The following YLPM1 variants were observed in gnomAD, a reference collection of about 807,000 sequenced individuals.
YLPM1 encodes YLP motif containing 1.
Under a neutral mutation model 230.0 loss-of-function variants are expected in YLPM1, and 99 were observed. The observed-to-expected ratio is 0.43, with a 90% confidence interval of 0.37 to 0.51. The LOEUF is 0.51. Among genes scored for constraint, YLPM1 ranks in the 20% least tolerant of loss-of-function variants. The pLI, the probability that YLPM1 is intolerant of heterozygous loss-of-function variation, is 0.00. For missense variants in YLPM1, 2,592 were observed against 2,707.7 expected (o/e 0.96, Z 0.95); for synonymous variants, 984 against 942.5 (o/e 1.04, Z -0.81).
intron 6 of YLPM1, among the ~76,000 whole-genome samples, chr14:74,808,431 G>GT (rs1262790955): frequency 6.6e-6 from 1 of 152,154 alleles, no homozygotes; most frequent in Non-Finnish European, 1.5e-5. Context: ...GAATGTTTGT[G>GT]TGCAAGTCTT....
chr14:74,827,844 T>C (rs2091577753), intron 18 of YLPM1: 2 of 985,280 alleles, frequency 2.0e-6, no homozygotes, highest in South Asian at 4.7e-5. Context: ...TTTAAGATCA[T>C]GTATAATACG....
At chr14:74,787,720 TTAAGAA>T (rs2091163462) in intron 4 of YLPM1, among the ~76,000 whole-genome samples, 1 of 151,988 alleles carries the variant, frequency 6.6e-6, no homozygotes, top group African/African-American at 2.4e-5. Context: ...TTTACAGAAT[TTAAGAA>T]TAAAGGGGCC....
At position 74,836,521 on chromosome 14, in the gene YLPM1, T is replaced by C. The variant is rs1423816268; in HGVS notation, c.*783T>C. Reference sequence around the variant, plus strand: ...TCTCTCTGTTCTTCCCTCTCTTCTTTCCTTCCTTCTTCTTTTCACTTTCTG... The same window carrying C: ...TCTCTCTGTTCTTCCCTCTCTTCTTCCCTTCCTTCTTCTTTTCACTTTCTG... On this transcript the variant is annotated 3_prime_UTR_variant, in exon 21 of 21. Transcript: ENST00000325680. 5 of 152,280 alleles carry C rather than the reference T, an allele frequency of 3.3e-5. No individual in the cohort carries two copies. Among genetic ancestry groups the C allele is most frequent in the Non-Finnish European group, 7.3e-5 (5 of 68,060 alleles). The allele number at this position is 152,280 out of a possible 1,614,324, so 9.4% of individuals were successfully genotyped here. A position where few individuals can be genotyped will look rare whatever the true frequency, so the allele number is the denominator to read the frequency against.
chr14:74,781,380 A>C lies in YLPM1; in HGVS notation c.1337A>C (p.Gln446Pro). 6.3e-7 allele frequency: 1 copy of C among 1,587,182 alleles called. No individual in the cohort carries two copies. The highest frequency in any genetic ancestry group is 8.6e-7 in the Non-Finnish European group (1 of 1,165,682). ...CTGCGGCATTATGAGATGCAGCAGCAACAGTTTCAACATCTTTACCAAGAA... is the reference window on the plus strand; with the variant it reads ...CTGCGGCATTATGAGATGCAGCAGCCACAGTTTCAACATCTTTACCAAGAA... ...MQLRHYEMQQQQFQHLYQEWE... is the reference protein window; with the variant it reads ...MQLRHYEMQQPQFQHLYQEWE... The change falls in exon 4 of 21, where the codon CAA becomes CCA. Residue 446 changes from glutamine to proline, a missense_variant. Physicochemically the swap from Gln to Pro is moderately conservative, Grantham distance 76. Transcript: ENST00000325680.
chr14:74,809,515 C>G lies in YLPM1; in HGVS notation c.4657C>G (p.Pro1553Ala), dbSNP rs571904406. 2.5e-6 allele frequency: 4 copies of G among 1,586,768 alleles called. No homozygotes were observed. In the South Asian group the frequency reaches 4.6e-5, roughly 18 times the overall value. Residue 1553 changes from proline (P) to alanine (A), a missense_variant, in exon 7 of 21, where the codon CCA becomes GCA. Coordinates refer to ENST00000325680, the MANE Select transcript of YLPM1 (RefSeq NM_019589.3). ...PVPIPPPPPPPPLPPPPPVIK... is the reference protein window; with the variant it reads ...PVPIPPPPPPAPLPPPPPVIK... ...CCCAATACCACCACCTCCACCTCCT[C>G]CACCTCTACCTCCTCCTCCTCCAGT...
intron 1 of YLPM1, among the ~76,000 whole-genome samples, chr14:74,769,518 C>T (rs1310752153): frequency 6.6e-6 from 1 of 151,720 alleles, no homozygotes; most frequent in Non-Finnish European, 1.5e-5. Flanking sequence ...AACTCCTGAC[C>T]CCAGGTGATC....
At chr14:74,771,879 A>G (rs1335180239) in intron 1 of YLPM1, among the ~76,000 whole-genome samples, 1 of 152,212 alleles carries the variant, frequency 6.6e-6, no homozygotes, top group East Asian at 1.9e-4. Flanking sequence ...GTGGGGACTA[A>G]GCTTATCTGG....
At chr14:74,824,646 C>T (rs1304536352) in intron 18 of YLPM1, among the ~76,000 whole-genome samples, 1 of 151,744 alleles carries the variant, frequency 6.6e-6, no homozygotes, top group Non-Finnish European at 1.5e-5. Context: ...TATTTAAATG[C>T]AGTCCAAAGT....
intron 19 of YLPM1, among the ~76,000 whole-genome samples, chr14:74,833,945 C>A (rs2091625509): frequency 6.6e-6 from 1 of 152,174 alleles, no homozygotes; most frequent in Admixed American, 6.5e-5. Context: ...AAAATACATT[C>A]TCTGCAGTCT....
chr14:74,806,790 A>G (rs906425620), intron 6 of YLPM1, among the ~76,000 whole-genome samples: 1 of 149,848 alleles, frequency 6.7e-6, no homozygotes, highest in African/African-American at 2.4e-5. Flanking sequence ...TCACCCATTT[A>G]TCTGTTTGAG....
rs371174129 is a variant in YLPM1, at chr14:74,827,946, TGAG to T, written c.6164-1266_6164-1264del. On this transcript the variant is annotated intron_variant, in intron 18 of 20. Coordinates refer to ENST00000325680, the MANE Select transcript of YLPM1 (RefSeq NM_019589.3). Reference sequence around the variant, plus strand: ...CATACATGTTAAAATTTTGCCAAAATGAGATGATTAAAATTTTTGTGAGTTTTA... The same window carrying T: ...CATACATGTTAAAATTTTGCCAAAATATGATTAAAATTTTTGTGAGTTTTA... 45 of 985,166 alleles carry T rather than the reference TGAG, an allele frequency of 4.6e-5. No individual in the cohort carries two copies. In the African/African-American group the frequency reaches 7.5e-4, roughly 16 times the overall value. 61.0% of individuals were successfully genotyped at this position (985,166 alleles called of 1,614,324 possible). A position where few individuals can be genotyped will look rare whatever the true frequency, so the allele number is the denominator to read the frequency against.
intron 6 of YLPM1, among the ~76,000 whole-genome samples, chr14:74,803,040 CTTG>C (rs2091343126): frequency 6.6e-6 from 1 of 151,732 alleles, no homozygotes; most frequent in South Asian, 2.1e-4. Flanking sequence ...GAGAGGATTG[CTTG>C]AGCCCAGGAG....
At position 74,781,597 on chromosome 14, in the gene YLPM1, T is replaced by A. The variant is rs2091092795; in HGVS notation, c.1554T>A (p.Pro518=). ...NQYMGNMSMP[P]PFVPYSQMPP... ...ATATGGGGAACATGTCAATGCCACC[T>A]CCTTTTGTTCCATATTCTCAGATGC... is the stretch of plus-strand genomic sequence containing the variant. The change falls in exon 4 of 21, where the codon CCT becomes CCA. Residue 518 remains proline (P), a synonymous_variant. Coordinates refer to ENST00000325680, the MANE Select transcript of YLPM1 (RefSeq NM_019589.3). The A allele has an allele frequency of 6.2e-7, 1 of 1,613,850 alleles. No homozygotes were observed. The highest frequency in any genetic ancestry group is 1.3e-5 in the African/African-American group (1 of 74,886).
rs926600409 is a variant in YLPM1, at chr14:74,799,846, T to A, written c.4400+149T>A. Reference sequence around the variant, plus strand: ...TTATATTTCTGGTCATTCAGTGCTGTTTTAGGGTTAGAATGGGTATTTAGG... The same window carrying A: ...TTATATTTCTGGTCATTCAGTGCTGATTTAGGGTTAGAATGGGTATTTAGG... On this transcript the variant is annotated intron_variant, in intron 5 of 20. Coordinates refer to ENST00000325680, the MANE Select transcript of YLPM1 (RefSeq NM_019589.3). 4.1e-5 allele frequency: 53 copies of A among 1,284,446 alleles called. No homozygotes were observed. The East Asian group carries it at 1.3e-3, about 31-fold the overall frequency. 79.6% of individuals were successfully genotyped at this position (1,284,446 alleles called of 1,614,324 possible). A position where few individuals can be genotyped will look rare whatever the true frequency, so the allele number is the denominator to read the frequency against.
rs1005051829 is a variant in YLPM1, at chr14:74,835,282, G to A, written c.6312G>A (p.Leu2104=). 14 of 1,613,614 alleles carry A rather than the reference G, an allele frequency of 8.7e-6. No homozygotes were observed. The highest frequency in any genetic ancestry group is 1.1e-5 in the Non-Finnish European group (13 of 1,179,650). The change falls in exon 20 of 21, where the codon CTG becomes CTA. Residue 2104 remains leucine (L), a synonymous_variant. Coordinates refer to ENST00000325680, the MANE Select transcript of YLPM1 (RefSeq NM_019589.3). Reference sequence around the variant, plus strand: ...CTTTTTAGGTCAGATGGGCAGACCTGGAAGAGAAGAAGGATGCAGATAGGA... The same window carrying A: ...CTTTTTAGGTCAGATGGGCAGACCTAGAAGAGAAGAAGGATGCAGATAGGA... ...PGKKRVRWAD[L]EEKKDADRKR...
intron 1 of YLPM1, among the ~76,000 whole-genome samples, chr14:74,778,009 G>A (rs2091058717): frequency 6.6e-6 from 1 of 151,798 alleles, no homozygotes; most frequent in Non-Finnish European, 1.5e-5. Context: ...AGGAGTGCTT[G>A]AGGAGAAAGA....
At chr14:74,767,205 A>G (rs1341412945) in intron 1 of YLPM1, among the ~76,000 whole-genome samples, 1 of 152,136 alleles carries the variant, frequency 6.6e-6, no homozygotes, top group Admixed American at 6.5e-5. Flanking sequence ...AGATAAACAC[A>G]TTGTTAACAC....
intron 18 of YLPM1, chr14:74,827,546 T>G (rs1446827119): frequency 1.0e-6 from 1 of 985,334 alleles, no homozygotes; most frequent in Non-Finnish European, 1.2e-6. Context: ...ACCCAGTGTA[T>G]GAGGAAAAGT....
In YLPM1 at chr14:74,809,504, C is replaced by T. The variant is rs1375462619; in HGVS notation, c.4646C>T (p.Pro1549Leu). Residue 1549 changes from proline (P) to leucine (L), a missense_variant, in exon 7 of 21, where the codon CCT becomes CTT. Around this residue, in one of 4 missense-constraint regions of YLPM1, gnomAD observed 403 missense variants for 426.7 expected, o/e 0.94. Transcript: ENST00000325680. ...AGGCCACCTGTCCCAATACCACCAC[C>T]TCCACCTCCTCCACCTCTACCTCCT... Reference protein sequence around the residue: ...VTRPPVPIPPPPPPPPLPPPP... With the variant: ...VTRPPVPIPPLPPPPPLPPPP... 3.8e-6 allele frequency: 6 copies of T among 1,581,750 alleles called. No homozygotes were observed. Among genetic ancestry groups the T allele is most frequent in the Non-Finnish European group, 8.6e-7 (1 of 1,163,160 alleles).
Sources: allele counts gnomAD v4.1 joint callset (sites outside exome capture counted in the v4.1 genomes callset), GRCh38; gene constraint gnomAD v4.1.1; regional missense constraint gnomAD v4.1.1; transcripts MANE v1.5; gene names NCBI Gene and HGNC (gene_info 2026-07-23, HGNC 2026-07-21).